SNX29: variants seen among roughly 807,000 people sequenced by gnomAD.
SNX29 encodes sorting nexin 29.
Under a neutral mutation model 102.1 loss-of-function variants are expected in SNX29, and 78 were observed. That is an observed-to-expected ratio of 0.76 (90% CI 0.64 to 0.92). The LOEUF (loss-of-function observed/expected upper bound fraction) is 0.92, where lower values mean the gene tolerates loss of function less well. Ranked by LOEUF, SNX29 falls within the 40% of genes least tolerant of loss-of-function variation. SNX29 has a pLI of 0.00. For synonymous variants in SNX29, 580 were observed against 414.5 expected (o/e 1.40, Z -4.85); for missense variants, 1,280 against 1,061.7 (o/e 1.21, Z -2.86).
chr16:12,463,532 G>GA (rs2086906542), intron 18 of SNX29, among the ~76,000 whole-genome samples: 1 of 152,086 alleles, frequency 6.6e-6, no homozygotes, highest in South Asian at 2.1e-4. Flanking sequence ...TCACTAACAA[G>GA]GGAACAGCAT....
intron 18 of SNX29, among the ~76,000 whole-genome samples, chr16:12,470,244 A>T (rs1330221317): frequency 6.6e-6 from 1 of 152,170 alleles, no homozygotes; most frequent in African/African-American, 2.4e-5. Flanking sequence ...TTTGAAATGG[A>T]GAGGGAGGCA....
intron 11 of SNX29, among the ~76,000 whole-genome samples, chr16:12,107,852 G>A (rs1185036066): frequency 6.6e-6 from 1 of 152,112 alleles, no homozygotes; most frequent in Non-Finnish European, 1.5e-5. Context: ...TAGGAATGAA[G>A]AAACTGTGTG....
At chr16:12,071,601 C>G (rs997399994) in intron 10 of SNX29, among the ~76,000 whole-genome samples, 23 of 152,148 alleles carry the variant, frequency 1.5e-4, no homozygotes, top group Non-Finnish European at 2.2e-4. Context: ...AGTCCGGTAG[C>G]GTGATGCCTC....
chr16:12,145,205 A>T (rs2055017261), intron 13 of SNX29, among the ~76,000 whole-genome samples: 1 of 152,170 alleles, frequency 6.6e-6, no homozygotes, highest in African/African-American at 2.4e-5. Flanking sequence ...CATACTTAAA[A>T]AAAAAAAAAA....
intron 18 of SNX29, among the ~76,000 whole-genome samples, chr16:12,448,672 A>T (rs778948376): frequency 6.6e-6 from 1 of 152,162 alleles, no homozygotes; most frequent in Non-Finnish European, 1.5e-5. Context: ...GCCTGACTTT[A>T]TCGCATTCCA....
intron 15 of SNX29, among the ~76,000 whole-genome samples, chr16:12,300,366 C>A (rs973440311): frequency 6.6e-6 from 1 of 152,166 alleles, no homozygotes; most frequent in African/African-American, 2.4e-5. Flanking sequence ...TTGGAGACAG[C>A]GCTCTGATAG....
In SNX29 at chr16:12,572,101, T is replaced by G; in HGVS notation, c.*3472T>G. On this transcript the variant is annotated 3_prime_UTR_variant, in exon 21 of 21. Coordinates refer to ENST00000566228, the MANE Select transcript of SNX29 (RefSeq NM_032167.5). ...GAAGAGGAAGGGGAGGGATGTGGAC[T>G]GGGTCTGATCACAGCCCTTGGCCCT... 2 of 1,057,788 alleles carry G rather than the reference T, an allele frequency of 1.9e-6. No individual in the cohort carries two copies. Among genetic ancestry groups the G allele is most frequent in the African/African-American group, 1.6e-5 (1 of 60,932 alleles). The allele number at this position is 1,057,788 out of a possible 1,614,324, so 65.5% of individuals were successfully genotyped here.
intron 3 of SNX29, among the ~76,000 whole-genome samples, chr16:12,021,654 A>T (rs1251760971): frequency 6.6e-6 from 1 of 151,970 alleles, no homozygotes; most frequent in East Asian, 1.9e-4. Flanking sequence ...TTGGGGGGCC[A>T]AGGTAGGCGG....
intron 15 of SNX29, among the ~76,000 whole-genome samples, chr16:12,342,746 G>C (rs1440783354): frequency 1.3e-5 from 2 of 152,204 alleles, no homozygotes; most frequent in Non-Finnish European, 1.5e-5. Flanking sequence ...AGGTCACCCA[G>C]CAAGTTACTG....
chr16:12,302,910 G>A (rs995755192), intron 15 of SNX29, among the ~76,000 whole-genome samples: 1 of 152,206 alleles, frequency 6.6e-6, no homozygotes, highest in Non-Finnish European at 1.5e-5. Flanking sequence ...CTGGGCTCGT[G>A]TTAGTGAGGA....
In SNX29 at chr16:12,131,702, C is replaced by T. The variant is rs200967310; in HGVS notation, c.1595+1944C>T. 5.9e-5 allele frequency among the ~76,000 whole-genome samples: 9 copies of T among 152,312 alleles called. No homozygotes were observed. The East Asian group carries it at 1.5e-3, about 26-fold the overall frequency. ...TTAAAATAAGACCACGAGATAAACA[C>T]GTCTTGTGGATGTGCAAGGGAGCCC... On this transcript the variant is annotated intron_variant, in intron 13 of 20. Transcript: ENST00000566228.
At chr16:12,296,611 C>T (rs2079989720) in intron 15 of SNX29, among the ~76,000 whole-genome samples, 1 of 152,146 alleles carries the variant, frequency 6.6e-6, no homozygotes, top group Non-Finnish European at 1.5e-5. Flanking sequence ...CTTTATTTAC[C>T]AAAACAGGCA....
chr16:12,560,118 C>T (rs1010014397), intron 20 of SNX29, among the ~76,000 whole-genome samples: 1 of 150,930 alleles, frequency 6.6e-6, no homozygotes, highest in African/African-American at 2.4e-5. Context: ...ACAAGCTATT[C>T]TAGTTCTGTG....
At chr16:12,189,793 G>A (rs1343224720) in intron 13 of SNX29, among the ~76,000 whole-genome samples, 2 of 151,926 alleles carry the variant, frequency 1.3e-5, no homozygotes, top group African/African-American at 2.4e-5. Context: ...GAGCGTCCGA[G>A]CATCAAAACA....
intron 19 of SNX29, among the ~76,000 whole-genome samples, chr16:12,516,532 C>A (rs552424443): frequency 6.6e-5 from 10 of 151,320 alleles, no homozygotes; most frequent in Non-Finnish European, 1.3e-4. Context: ...GCCAGGAGGC[C>A]TTGTTGCTGG....
At chr16:12,562,382 G>C (rs1567207349) in intron 20 of SNX29, among the ~76,000 whole-genome samples, 3 of 151,938 alleles carry the variant, frequency 2.0e-5, no homozygotes, top group Non-Finnish European at 4.4e-5. Flanking sequence ...TTTTAAAACA[G>C]CTCAAGAGAC....
rs1004770827 is a variant in SNX29 at position 12,121,448 on chromosome 16, G to A, written c.1403-5185G>A. On this transcript the variant is annotated intron_variant, in intron 11 of 20. Transcript: ENST00000566228. ...TGTGGCCATGCGGTCACTGCAGGTCGGCCCGCACTTCTCCCGCTGGCCCTT... is the reference window on the plus strand; with the variant it reads ...TGTGGCCATGCGGTCACTGCAGGTCAGCCCGCACTTCTCCCGCTGGCCCTT... Among the ~76,000 whole-genome samples the A allele has an allele frequency of 2.0e-5, 3 of 152,258 alleles. No individual in the cohort carries two copies. The South Asian group carries it at 6.2e-4, about 31-fold the overall frequency.
chr16:12,100,010 C>T (rs909072892), intron 11 of SNX29, among the ~76,000 whole-genome samples: 1 of 152,198 alleles, frequency 6.6e-6, no homozygotes, highest in Non-Finnish European at 1.5e-5. Flanking sequence ...GCAGCGGCTA[C>T]TGTTATCGCC....
chr16:11,976,762 C>A lies in SNX29; in HGVS notation c.-45C>A. 7.7e-7 allele frequency: 1 copy of A among 1,290,324 alleles called. No homozygotes were observed. The highest frequency in any genetic ancestry group is 9.9e-7 in the Non-Finnish European group (1 of 1,010,812). 79.9% of individuals were successfully genotyped at this position (1,290,324 alleles called of 1,614,324 possible). ...TGGAGCTCGGCAGCCGCAGAAGCGG[C>A]AGCGGCGGCGGCGCGGCGCAGGCAC... On this transcript the variant is annotated 5_prime_UTR_variant, in exon 1 of 21. Transcript: ENST00000566228.
Sources: allele counts gnomAD v4.1 joint callset (sites outside exome capture counted in the v4.1 genomes callset), GRCh38; gene constraint gnomAD v4.1.1; transcripts MANE v1.5; gene names NCBI Gene and HGNC (gene_info 2026-07-23, HGNC 2026-07-21).